Variants in FSD2 observed in about 807,000 individuals in gnomAD.
The protein encoded by FSD2 is fibronectin type III and SPRY domain-containing protein 2.
In FSD2, 71 loss-of-function variants were observed where a neutral mutation model predicts 80.4. That is an observed-to-expected ratio of 0.88 (90% CI 0.73 to 1.08). The LOEUF is 1.08. Among genes scored for constraint, FSD2 ranks in the 50% least tolerant of loss-of-function variants. FSD2 has a pLI of 0.00. For synonymous variants in FSD2, 361 were observed against 329.5 expected (o/e 1.10, Z -1.03); for missense variants, 923 against 913.8 (o/e 1.01, Z -0.13).
chr15:82,763,741 C>T (rs1386430945), intron 11 of FSD2, among the ~76,000 whole-genome samples: 1 of 152,148 alleles, frequency 6.6e-6, no homozygotes, highest in Admixed American at 6.5e-5. Context: ...GCACTGGAAT[C>T]TTTCTGAAAT....
At chr15:82,766,347 A>G (rs1366799428) in intron 9 of FSD2, among the ~76,000 whole-genome samples, 3 of 152,172 alleles carry the variant, frequency 2.0e-5, no homozygotes, top group Non-Finnish European at 4.4e-5. Context: ...GTGTGCATGC[A>G]GTAGAATCCA....
In FSD2 at chr15:82,786,536, A is replaced by G; in HGVS notation, c.710T>C (p.Leu237Ser). 6.2e-7 allele frequency: 1 copy of G among 1,613,586 alleles called. No individual in the cohort carries two copies. The change falls in exon 3 of 13, where the codon TTG (leucine) becomes TCG (serine). Residue 237 changes from leucine to serine, a missense_variant. Physicochemically the swap from Leu to Ser is moderately radical, Grantham distance 145. Transcript: ENST00000334574. ...CTCCACAGTGATGAAAACCTCCTCC[A>G]AATGATTTGCAAAGTTTTCCATCTC... ...IIEMENFANHLEEVFITVEEN... is the reference protein window; with the variant it reads ...IIEMENFANHSEEVFITVEEN...
At chr15:82,760,548 C>T (rs954914160) in intron 12 of FSD2, among the ~76,000 whole-genome samples, 1 of 151,980 alleles carries the variant, frequency 6.6e-6, no homozygotes, top group African/African-American at 2.4e-5. Context: ...GCCTGCCTGT[C>T]TCTAGCCCAT....
At position 82,768,997 on chromosome 15, in the gene FSD2, A is replaced by G. The variant is rs1465586056; in HGVS notation, c.1436T>C (p.Ile479Thr). 3 of 1,598,096 alleles carry G rather than the reference A, an allele frequency of 1.9e-6. No homozygotes were observed. In the South Asian group the frequency reaches 3.4e-5, roughly 18 times the overall value. Residue 479 changes from isoleucine (I) to threonine (T), a missense_variant, in exon 9 of 13, where the codon ATA becomes ACA. By Grantham distance (89) the Ile-to-Thr change is moderately conservative. Transcript: ENST00000334574. Reference sequence around the variant, plus strand: ...CAGCACAGCCTCTTCACAGCTCCTTATCTCTTTGGTTTTAATAATGGGGGG... The same window carrying G: ...CAGCACAGCCTCTTCACAGCTCCTTGTCTCTTTGGTTTTAATAATGGGGGG... ...PSPPIIKTKE[I>T]RSCEEAVLIC...
At chr15:82,795,015 C>T (rs1335159009) in intron 1 of FSD2, among the ~76,000 whole-genome samples, 2 of 152,084 alleles carry the variant, frequency 1.3e-5, no homozygotes, top group African/African-American at 2.4e-5. Flanking sequence ...TGAGCCACTG[C>T]GCCAGGCAGA....
chr15:82,763,891 T>C (rs2049347698), intron 11 of FSD2, among the ~76,000 whole-genome samples: 1 of 152,242 alleles, frequency 6.6e-6, no homozygotes, highest in African/African-American at 2.4e-5. Flanking sequence ...TCATGGATCC[T>C]ATACCGCAGA....
At chr15:82,778,461 T>C (rs982950937) in intron 6 of FSD2, among the ~76,000 whole-genome samples, 1 of 152,046 alleles carries the variant, frequency 6.6e-6, no homozygotes, top group Non-Finnish European at 1.5e-5. Flanking sequence ...ACTCCATGAT[T>C]CCACTTACAT....
intron 3 of FSD2, among the ~76,000 whole-genome samples, chr15:82,784,837 C>A (rs1463701654): frequency 6.6e-6 from 1 of 152,130 alleles, no homozygotes; most frequent in Non-Finnish European, 1.5e-5. Flanking sequence ...GCTCCTCAGT[C>A]CTGGTTGACC....
At chr15:82,764,825 C>T (rs1233718893) in intron 11 of FSD2, among the ~76,000 whole-genome samples, 2 of 151,942 alleles carry the variant, frequency 1.3e-5, no homozygotes, top group Admixed American at 6.6e-5. Context: ...TTGTTCAGAA[C>T]GCCAAGAACT....
At position 82,772,010 on chromosome 15, in the gene FSD2, C is replaced by T. The variant is rs957279469; in HGVS notation, c.1267+63G>A. 79 of 1,396,802 alleles carry T rather than the reference C, an allele frequency of 5.7e-5. 1 individual carries two copies. The highest frequency in any genetic ancestry group is 2.9e-5 in the African/African-American group (2 of 68,346). 86.5% of individuals were successfully genotyped at this position (1,396,802 alleles called of 1,614,324 possible). A position where few individuals can be genotyped will look rare whatever the true frequency, so the allele number is the denominator to read the frequency against. ...ATCCCAACTGCCAGGAAGACAGGGC[C>T]CAGGCCCCTGAGGGGCCTGAACTGT... On this transcript the variant is annotated intron_variant, in intron 7 of 12. Transcript: ENST00000334574.
chr15:82,766,936 C>A (rs919609154), intron 9 of FSD2, among the ~76,000 whole-genome samples: 12 of 152,126 alleles, frequency 7.9e-5, no homozygotes, highest in African/African-American at 2.9e-4. Flanking sequence ...CCATGTCAGT[C>A]CAGTGGGCAA....
rs1402458117 is a variant in FSD2 at position 82,756,669 on chromosome 15, C to T, written c.*2679G>A. The T allele has an allele frequency of 6.6e-6, 1 of 152,164 alleles. No individual in the cohort carries two copies. Among genetic ancestry groups the T allele is most frequent in the African/African-American group, 2.4e-5 (1 of 41,422 alleles). The allele number at this position is 152,164 out of a possible 1,614,324, so 9.4% of individuals were successfully genotyped here. ...ATACTGTACTCTGTATTACTAAACC[C>T]ATGTTAGTTTACGCCAAGATTCTGT... On this transcript the variant is annotated 3_prime_UTR_variant, in exon 13 of 13. Coordinates refer to ENST00000334574, the MANE Select transcript of FSD2 (RefSeq NM_001007122.4).
rs60095355 is a variant in FSD2, at chr15:82,764,492, C to CTTTTTTT, written c.1820+667_1820+673dup. Among the ~76,000 whole-genome samples the CTTTTTTT allele has an allele frequency of 7.5e-4, 65 of 86,124 alleles. 3 individuals carry two copies. The highest frequency in any genetic ancestry group is 9.6e-4 in the African/African-American group (20 of 20,844). The allele number at this position is 86,124 out of a possible 152,430, so 56.5% of individuals were successfully genotyped here. A position where few individuals can be genotyped will look rare whatever the true frequency, so the allele number is the denominator to read the frequency against. On this transcript the variant is annotated intron_variant, in intron 11 of 12. Coordinates refer to ENST00000334574, the MANE Select transcript of FSD2 (RefSeq NM_001007122.4). ...CTCTTGTTGCTTCATTCTTTACTTG[C>CTTTTTTT]TTTTTTTTTTTTTTTTTTTTGAGAA...
At chr15:82,778,158 A>ATATATATATATATATG (rs1482215584) in intron 6 of FSD2, among the ~76,000 whole-genome samples, 1 of 129,068 alleles carries the variant, frequency 7.7e-6, no homozygotes, top group South Asian at 2.3e-4. Flanking sequence ...ATATATATAT[A>ATATATATATATATATG]ATAACTATTA....
Position 82,765,313 on chromosome 15 carries a change from A to G in FSD2, c.1688-15T>C. The stretch of plus-strand genomic sequence containing the variant: ...AAAGTAGCTTCCTGTGGGAGGAGGA[A>G]CACACAGAAGACCCGCAGCCAATCA... On this transcript the variant is annotated splice_polypyrimidine_tract_variant and intron_variant, in intron 10 of 12. Transcript: ENST00000334574. 1 of 1,612,932 alleles carries G rather than the reference A, an allele frequency of 6.2e-7. No individual in the cohort carries two copies. The highest frequency in any genetic ancestry group is 1.3e-5 in the African/African-American group (1 of 74,976).
intron 11 of FSD2, among the ~76,000 whole-genome samples, chr15:82,764,753 C>T (rs565396229): frequency 6.6e-6 from 1 of 152,192 alleles, no homozygotes; most frequent in South Asian, 2.1e-4. Flanking sequence ...GCTGTGATTA[C>T]AGGCATGAGC....
intron 6 of FSD2, among the ~76,000 whole-genome samples, chr15:82,778,321 G>T (rs1359354170): frequency 6.6e-6 from 1 of 151,636 alleles, no homozygotes; most frequent in Admixed American, 6.6e-5. Flanking sequence ...ATTTTAAAAA[G>T]TATGTGTGTG....
chr15:82,774,164 T>C (rs2049657072), intron 6 of FSD2, among the ~76,000 whole-genome samples: 1 of 152,186 alleles, frequency 6.6e-6, no homozygotes, highest in Admixed American at 6.5e-5. Context: ...AGCCTTACTC[T>C]TGGGCTCAAG....
At chr15:82,768,612 G>T (rs1056587324) in intron 9 of FSD2, among the ~76,000 whole-genome samples, 3 of 152,140 alleles carry the variant, frequency 2.0e-5, no homozygotes, top group African/African-American at 7.2e-5. Context: ...ATGAATGAAT[G>T]AATGAATGAA....
Sources: gnomAD v4.1 joint callset for allele counts (sites outside exome capture counted in the v4.1 genomes callset) on GRCh38, gnomAD v4.1.1 for gene constraint, MANE v1.5 for transcripts, NCBI Gene and HGNC (gene_info 2026-07-23, HGNC 2026-07-21) for gene names.